Variants in CAMK2B observed in about 807,000 individuals in gnomAD.
The protein encoded by CAMK2B is calcium/calmodulin dependent protein kinase II beta.
Under a neutral mutation model 93.7 loss-of-function variants are expected in CAMK2B, and 27 were observed. The observed-to-expected ratio is 0.29, with a 90% confidence interval of 0.21 to 0.40. CAMK2B has a LOEUF of 0.40. CAMK2B is among the 10% of genes least tolerant of loss of function. The pLI is 1.00. For synonymous variants in CAMK2B, 374 were observed against 358.8 expected, an observed-to-expected ratio of 1.04 and a Z score of -0.48; for missense variants, 568 against 895.8, an observed-to-expected ratio of 0.63 and a Z score of 4.67.
intron 21 of CAMK2B, 28 bp downstream of exon 21, chr7:44,220,798 C>G: frequency 6.4e-7 from 1 of 1,557,588 alleles, no homozygotes; most frequent in Non-Finnish European, 8.7e-7. Context: ...TTGTCCTGCA[C>G]AGCCCCCCCC....
chr7:44,301,972 GAGA>G (rs1416546629), intron 1 of CAMK2B, among the ~76,000 whole-genome samples: 4 of 152,122 alleles, frequency 2.6e-5, no homozygotes, highest in Non-Finnish European at 5.9e-5. Context: ...CTAGTTCTTT[GAGA>G]AGATCAATAA....
At position 44,264,829 on chromosome 7, in the gene CAMK2B, C is replaced by T. The variant is rs143731889; in HGVS notation, c.161-1765G>A. Among the ~76,000 whole-genome samples the T allele has an allele frequency of 3.4e-3, 523 of 152,286 alleles. 3 individuals are homozygous for T. Among genetic ancestry groups the T allele is most frequent in the African/African-American group, 0.012 (499 of 41,538 alleles). ...TCTGTCAGCATCAGAATGGAAAAAT[C>T]AAACATAGTCACAATAGAATACACA... On this transcript the variant is annotated intron_variant, in intron 2 of 23. Transcript: ENST00000395749.
intron 5 of CAMK2B, among the ~76,000 whole-genome samples, chr7:44,252,759 G>A (rs1249012785): frequency 1.3e-5 from 2 of 152,224 alleles, no homozygotes; most frequent in Admixed American, 1.3e-4. Context: ...CCAGCAGGCA[G>A]GCAGCAGCAG....
chr7:44,299,850 C>A (rs998799627), intron 1 of CAMK2B, among the ~76,000 whole-genome samples: 3 of 152,038 alleles, frequency 2.0e-5, no homozygotes, highest in African/African-American at 7.2e-5. Flanking sequence ...ATGATTATTT[C>A]TTTCATGGAT....
rs1394864148 is a variant in CAMK2B at position 44,218,378 on chromosome 7, C to G, written c.*1147G>C. The G allele has an allele frequency of 1.3e-5, 2 of 152,386 alleles. No individual in the cohort carries two copies. The highest frequency in any genetic ancestry group is 4.8e-5 in the African/African-American group (2 of 41,478). The allele number at this position is 152,386 out of a possible 1,614,324, so 9.4% of individuals were successfully genotyped here. On this transcript the variant is annotated 3_prime_UTR_variant, in exon 24 of 24. Coordinates refer to ENST00000395749, the MANE Select transcript of CAMK2B (RefSeq NM_001220.5). Reference sequence around the variant, plus strand: ...CCCAAGCCCCAGGCTTCCCCAAACCCCATCAGCAGACGAATATGCCCAGAC... The same window carrying G: ...CCCAAGCCCCAGGCTTCCCCAAACCGCATCAGCAGACGAATATGCCCAGAC...
At chr7:44,269,558 G>T (rs942536852) in intron 2 of CAMK2B, among the ~76,000 whole-genome samples, 1 of 152,170 alleles carries the variant, frequency 6.6e-6, no homozygotes, top group Non-Finnish European at 1.5e-5. Context: ...CAGGGGGTGG[G>T]GGGTGGTGAG....
intron 5 of CAMK2B, among the ~76,000 whole-genome samples, chr7:44,252,531 G>T (rs2129005159): frequency 6.8e-6 from 1 of 148,086 alleles, no homozygotes; most frequent in Admixed American, 6.7e-5. Flanking sequence ...ATGGGGCACG[G>T]GCAGGGGGTG....
chr7:44,231,638 T>G (rs1048741702), intron 16 of CAMK2B, among the ~76,000 whole-genome samples: 3 of 152,340 alleles, frequency 2.0e-5, no homozygotes, highest in East Asian at 1.9e-4. Context: ...CCAGGAACCT[T>G]GGCCTGGCCC....
intron 2 of CAMK2B, among the ~76,000 whole-genome samples, chr7:44,283,559 T>C (rs764803192): frequency 1.3e-5 from 2 of 152,232 alleles, no homozygotes; most frequent in Non-Finnish European, 2.9e-5. Context: ...CCTGCCACTA[T>C]GTAGAAGACT....
At chr7:44,239,813 C>G (rs943396018) in intron 12 of CAMK2B, 150 bp from the exon 13 acceptor site, 11 of 643,968 alleles carry the variant, frequency 1.7e-5, no homozygotes, top group African/African-American at 7.3e-5. Context: ...ATCCTTTGCT[C>G]AAGAGAGTGA....
intron 1 of CAMK2B, among the ~76,000 whole-genome samples, chr7:44,319,475 T>A (rs1253044591): frequency 6.6e-6 from 1 of 152,194 alleles, no homozygotes; most frequent in Non-Finnish European, 1.5e-5. Context: ...TCCCCTCTGC[T>A]CTTCGGGATT....
chr7:44,228,010 AGAG>A (rs1234048498), intron 19 of CAMK2B, among the ~76,000 whole-genome samples: 1 of 151,188 alleles, frequency 6.6e-6, no homozygotes, highest in Admixed American at 6.6e-5. Flanking sequence ...TGGTGCGTGG[AGAG>A]GAGGCTGCAG....
chr7:44,224,235 C>T lies in CAMK2B; in HGVS notation c.1597+2281G>A, dbSNP rs531173972. Among the ~76,000 whole-genome samples the T allele has an allele frequency of 3.3e-5, 5 of 152,292 alleles. No homozygotes were observed. Among genetic ancestry groups the T allele is most frequent in the African/African-American group, 1.2e-4 (5 of 41,564 alleles). On this transcript the variant is annotated intron_variant, in intron 20 of 23. Transcript: ENST00000395749. The surrounding 1 kb of genome is among the most constrained non-coding windows in gnomAD (Gnocchi z 4.4). The stretch of plus-strand genomic sequence containing the variant: ...GGAAGCCTAGGCTGCCCCTGCCCTG[C>T]GGAATGGCGCTGCCCAGACCCCAGC...
intron 5 of CAMK2B, among the ~76,000 whole-genome samples, chr7:44,252,310 G>A (rs1308860708): frequency 4.0e-5 from 6 of 151,890 alleles, no homozygotes; most frequent in African/African-American, 7.3e-5. Flanking sequence ...GGGATAACAG[G>A]TTGTGTCTCC....
In CAMK2B at chr7:44,280,000, G is replaced by A. The variant is rs190941635; in HGVS notation, c.160+4131C>T. Among the ~76,000 whole-genome samples the A allele has an allele frequency of 7.2e-4, 110 of 152,308 alleles. No homozygotes were observed. The Middle Eastern group carries it at 0.02, about 28-fold the overall frequency. ...TCCCAGGCCCCACCCAGCACACAGC[G>A]TCGTAGCTGCTGGTTTCAGGGTGTA... On this transcript the variant is annotated intron_variant, in intron 2 of 23. Transcript: ENST00000395749.
rs542703900 is a variant in CAMK2B at position 44,255,371 on chromosome 7, G to A, written c.276-764C>T. ...GGGCATGGAACAAAAAGGTGGAGGG[G>A]CTGGATGCACGGCAGGGGAGTAGGA... On this transcript the variant is annotated intron_variant, in intron 4 of 23. Coordinates refer to ENST00000395749, the MANE Select transcript of CAMK2B (RefSeq NM_001220.5). Among the ~76,000 whole-genome samples the A allele has an allele frequency of 3.7e-4, 56 of 152,320 alleles. No individual in the cohort carries two copies. The South Asian group carries it at 0.011, about 30-fold the overall frequency.
At chr7:44,261,454 G>A (rs1226357925) in intron 3 of CAMK2B, among the ~76,000 whole-genome samples, 3 of 152,216 alleles carry the variant, frequency 2.0e-5, no homozygotes, top group Non-Finnish European at 4.4e-5. Context: ...TGATCTCATG[G>A]TGGGGGCTGC....
chr7:44,310,179 C>T (rs1031753472), intron 1 of CAMK2B, among the ~76,000 whole-genome samples: 1 of 152,242 alleles, frequency 6.6e-6, no homozygotes, highest in Non-Finnish European at 1.5e-5. Flanking sequence ...TGTTTGGTTT[C>T]AGATCAATCA....
chr7:44,286,443 G>A lies in CAMK2B; in HGVS notation c.66-2218C>T, dbSNP rs1228253458. ...ATGCCAAGCTGATGATGCCCGTATG[G>A]CACCGCTGTGTCGAGCCCGTCCCCG... is the stretch of plus-strand genomic sequence containing the variant. On this transcript the variant is annotated intron_variant, in intron 1 of 23. Coordinates refer to ENST00000395749, the MANE Select transcript of CAMK2B (RefSeq NM_001220.5). This position sits in a 1 kb window ranked among gnomAD's most constrained non-coding sequence, Gnocchi z 4.0. 1.3e-5 allele frequency among the ~76,000 whole-genome samples: 2 copies of A among 152,184 alleles called. No individual in the cohort carries two copies. Among genetic ancestry groups the A allele is most frequent in the Admixed American group, 6.5e-5 (1 of 15,276 alleles).
Sources: allele counts gnomAD v4.1 joint callset (sites outside exome capture counted in the v4.1 genomes callset), GRCh38; gene constraint gnomAD v4.1.1; non-coding constraint Gnocchi (gnomAD v3.1); transcripts MANE v1.5; gene names NCBI Gene and HGNC (gene_info 2026-07-23, HGNC 2026-07-21).